Variants in ATXN1 observed in about 807,000 individuals in gnomAD.
The protein encoded by ATXN1 is ataxin-1.
ATXN1 carries 8 observed loss-of-function variants against 56.4 expected under a neutral mutation model. The observed-to-expected ratio is 0.14, with a 90% CI of 0.08 to 0.26. The LOEUF (loss-of-function observed/expected upper bound fraction) is 0.26. Ranked by LOEUF, ATXN1 falls within the 10% of genes least tolerant of loss-of-function variation. The pLI is 1.00. For missense variants in ATXN1, 987 were observed against 1,106.5 expected, an observed-to-expected ratio of 0.89 and a Z score of 1.53; for synonymous variants, 514 against 494.6, an observed-to-expected ratio of 1.04 and a Z score of -0.52.
chr6:16,551,454 C>T (rs954524019), intron 4 of ATXN1, among the ~76,000 whole-genome samples: 4 of 151,982 alleles, frequency 2.6e-5, no homozygotes, highest in African/African-American at 7.3e-5. Flanking sequence ...TGGGAAGAAA[C>T]GTGTGCTAAT....
At position 16,455,663 on chromosome 6, in the gene ATXN1, T is replaced by C. The variant is rs78774412; in HGVS notation, c.-161+30309A>G. On this transcript the variant is annotated intron_variant, in intron 6 of 7. Coordinates refer to ENST00000436367, the MANE Select transcript of ATXN1 (RefSeq NM_001128164.2). ...CATAATCGTGAATGGGTACATGAAC[T>C]GTGGTACATCCATACAATAGAATAT... Among the ~76,000 whole-genome samples, 481 of 152,272 alleles carry C rather than the reference T, an allele frequency of 3.2e-3. 19 individuals are homozygous for C. The East Asian group carries it at 0.077, about 24-fold the overall frequency.
chr6:16,348,011 G>A (rs919497053), intron 6 of ATXN1, among the ~76,000 whole-genome samples: 4 of 152,182 alleles, frequency 2.6e-5, no homozygotes, highest in African/African-American at 9.7e-5. Flanking sequence ...GAACCCACAG[G>A]GAGGAATGAA....
intron 6 of ATXN1, among the ~76,000 whole-genome samples, chr6:16,390,699 C>T (rs1758335768): frequency 6.6e-6 from 1 of 151,848 alleles, no homozygotes; most frequent in Non-Finnish European, 1.5e-5. Flanking sequence ...CACACACACA[C>T]ACACACACGC....
At chr6:16,726,739 G>C (rs560025077) in intron 2 of ATXN1, among the ~76,000 whole-genome samples, 2 of 152,166 alleles carry the variant, frequency 1.3e-5, no homozygotes, top group African/African-American at 4.8e-5. Context: ...TGTAATCCCA[G>C]CTACTCTACT....
At chr6:16,399,142 A>G (rs1758515036) in intron 6 of ATXN1, among the ~76,000 whole-genome samples, 1 of 152,230 alleles carries the variant, frequency 6.6e-6, no homozygotes, top group South Asian at 2.1e-4. Flanking sequence ...TTGTCAATGG[A>G]CTGACCTTGT....
At chr6:16,355,697 G>T (rs1298056563) in intron 6 of ATXN1, among the ~76,000 whole-genome samples, 1 of 152,134 alleles carries the variant, frequency 6.6e-6, no homozygotes, top group African/African-American at 2.4e-5. Flanking sequence ...GAGTAGCTGG[G>T]ATTATAGGCA....
At chr6:16,447,775 T>C (rs1759665188) in intron 6 of ATXN1, among the ~76,000 whole-genome samples, 1 of 152,238 alleles carries the variant, frequency 6.6e-6, no homozygotes, top group Non-Finnish European at 1.5e-5. Context: ...ATTTCTAATT[T>C]AATCTTTATT....
intron 3 of ATXN1, among the ~76,000 whole-genome samples, chr6:16,647,618 G>A (rs1283556009): frequency 1.3e-5 from 2 of 152,166 alleles, no homozygotes; most frequent in African/African-American, 4.8e-5. Context: ...GAAATTTGCT[G>A]AGACAGTAAA....
intron 2 of ATXN1, among the ~76,000 whole-genome samples, chr6:16,748,555 G>A (rs1760610343): frequency 6.6e-6 from 1 of 152,138 alleles, no homozygotes; most frequent in African/African-American, 2.4e-5. Context: ...AAATAATGAT[G>A]CCTACCTCAA....
intron 3 of ATXN1, among the ~76,000 whole-genome samples, chr6:16,586,552 C>G (rs1336516251): frequency 6.6e-6 from 1 of 152,138 alleles, no homozygotes; most frequent in African/African-American, 2.4e-5. Flanking sequence ...TGTGAGGTGG[C>G]CAGGAATCAT....
chr6:16,620,928 A>G lies in ATXN1; in HGVS notation c.-488-35021T>C, dbSNP rs1442188971. On this transcript the variant is annotated intron_variant, in intron 3 of 7. Coordinates refer to ENST00000436367, the MANE Select transcript of ATXN1 (RefSeq NM_001128164.2). The stretch of plus-strand genomic sequence containing the variant: ...TTTCTAGATCTGAGGTCCTACTAAA[A>G]AGGGTGACAACCTCAGCTCTGAACA... Among the ~76,000 whole-genome samples, 5 of 152,312 alleles carry G rather than the reference A, an allele frequency of 3.3e-5. No individual in the cohort carries two copies. In the East Asian group the frequency reaches 9.7e-4, roughly 29 times the overall value.
chr6:16,740,089 T>C (rs1760279953), intron 2 of ATXN1, among the ~76,000 whole-genome samples: 2 of 152,202 alleles, frequency 1.3e-5, no homozygotes, highest in Non-Finnish European at 1.5e-5. Context: ...TTTCCAGATA[T>C]AAAATCTGGC....
chr6:16,375,831 C>T (rs1436757992), intron 6 of ATXN1, among the ~76,000 whole-genome samples: 3 of 152,128 alleles, frequency 2.0e-5, no homozygotes, highest in Non-Finnish European at 4.4e-5. Context: ...GGCCTATGGC[C>T]AAGGTGTTTC....
intron 3 of ATXN1, among the ~76,000 whole-genome samples, chr6:16,626,099 TAC>T (rs1763401741): frequency 6.6e-6 from 1 of 152,182 alleles, no homozygotes. Flanking sequence ...CTCTTTTATT[TAC>T]AGTTTTCCCC....
chr6:16,742,523 G>T (rs1337023877), intron 2 of ATXN1, among the ~76,000 whole-genome samples: 1 of 152,178 alleles, frequency 6.6e-6, no homozygotes, highest in Non-Finnish European at 1.5e-5. Context: ...AGGACCCAGG[G>T]CTTCAGTTTC....
At chr6:16,726,160 C>T (rs374383820) in intron 2 of ATXN1, among the ~76,000 whole-genome samples, 1 of 152,166 alleles carries the variant, frequency 6.6e-6, no homozygotes, top group Non-Finnish European at 1.5e-5. Flanking sequence ...GCAGGCGGAT[C>T]ACCTGAGGTC....
At chr6:16,474,864 A>ACACACACT (rs1554108897) in intron 6 of ATXN1, among the ~76,000 whole-genome samples, 19 of 149,048 alleles carry the variant, frequency 1.3e-4, no homozygotes, top group African/African-American at 4.5e-4. Context: ...ACACACACAC[A>ACACACACT]CTCTCTCTCT....
At chr6:16,452,390 T>C (rs969407911) in intron 6 of ATXN1, among the ~76,000 whole-genome samples, 3 of 152,352 alleles carry the variant, frequency 2.0e-5, no homozygotes, top group Admixed American at 1.3e-4. Flanking sequence ...CCAGATTTTG[T>C]TGATAGCATA....
At chr6:16,489,386 G>A (rs1373973331) in intron 5 of ATXN1, among the ~76,000 whole-genome samples, 1 of 152,062 alleles carries the variant, frequency 6.6e-6, no homozygotes, top group Non-Finnish European at 1.5e-5. Flanking sequence ...ATCATCATGT[G>A]TCAGCCCTCC....
Sources: gnomAD v4.1 joint callset for allele counts (sites outside exome capture counted in the v4.1 genomes callset) on GRCh38, gnomAD v4.1.1 for gene constraint, MANE v1.5 for transcripts, NCBI Gene and HGNC (gene_info 2026-07-23, HGNC 2026-07-21) for gene names.